Variants in LMNA observed in about 807,000 individuals in gnomAD.
LMNA encodes the protein lamin.
Under a neutral mutation model 70.4 loss-of-function variants are expected in LMNA, and 20 were observed. That is an observed-to-expected ratio of 0.28 (90% CI 0.20 to 0.41). The LOEUF is 0.41. Ranked by LOEUF, LMNA falls within the 10% of genes least tolerant of loss-of-function variation. The probability of loss-of-function intolerance (pLI) is 1.00; values close to 1 mark genes in which losing one functional copy is unlikely to be tolerated. For missense variants in LMNA, 652 were observed against 917.2 expected (o/e 0.71, Z 3.73); for synonymous variants, 339 against 372.8 (o/e 0.91, Z 1.04).
chr1:156,137,357 C>A lies in LMNA; in HGVS notation c.1608+125C>A. 1.6e-6 allele frequency: 2 copies of A among 1,239,566 alleles called. No homozygotes were observed. The highest frequency in any genetic ancestry group is 1.3e-5 in the South Asian group (1 of 76,558). The allele number at this position is 1,239,566 out of a possible 1,614,324, so 76.8% of individuals were successfully genotyped here. On this transcript the variant is annotated intron_variant, in intron 9 of 11. Coordinates refer to ENST00000368300, the MANE Select transcript of LMNA (RefSeq NM_170707.4). The surrounding 1 kb of genome is among the most constrained non-coding windows in gnomAD (Gnocchi z 4.6). ...CCTTTCTAGAGCTCTCTGTTGCAGG[C>A]TCCAGACTTCTCCACCCAGTAGGCA...
At position 156,138,416 on chromosome 1, in the gene LMNA, C is replaced by T. The variant is rs1010792518; in HGVS notation, c.1699-72C>T. ...CTGGCGGCTGGGAGCCTGCAGGAGC[C>T]TGGAGCCTGGTTGGGCCTGAGTGGT... On this transcript the variant is annotated intron_variant, in intron 10 of 11. Transcript: ENST00000368300. The surrounding 1 kb of genome is among the most constrained non-coding windows in gnomAD (Gnocchi z 5.5). 50 of 1,538,540 alleles carry T rather than the reference C, an allele frequency of 3.2e-5. No homozygotes were observed. The Admixed American group carries it at 9.1e-4, about 28-fold the overall frequency.
In LMNA at chr1:156,137,917, A is replaced by T; in HGVS notation, c.1698+174A>T. The T allele has an allele frequency of 7.2e-7, 1 of 1,385,214 alleles. No homozygotes were observed. The highest frequency in any genetic ancestry group is 1.4e-5 in the South Asian group (1 of 70,976). 85.8% of individuals were successfully genotyped at this position (1,385,214 alleles called of 1,614,324 possible). On this transcript the variant is annotated intron_variant, in intron 10 of 11. Coordinates refer to ENST00000368300, the MANE Select transcript of LMNA (RefSeq NM_170707.4). The surrounding 1 kb of genome is among the most constrained non-coding windows in gnomAD (Gnocchi z 4.6). ...CTCCTCCCTATACCTTGAACAGGGA[A>T]CCCAGGTGTCTGGGTGCCCTACTCT...
chr1:156,115,029 G>C lies in LMNA; in HGVS notation c.111G>C (p.Glu37Asp). The change falls in exon 1 of 12, where the codon GAG becomes GAC. Residue 37 changes from glutamate (E) to aspartate (D), a missense_variant. Around this residue, in one of 4 missense-constraint regions of LMNA, gnomAD observed 254 missense variants for 421.9 expected, o/e 0.60. Coordinates refer to ENST00000368300, the MANE Select transcript of LMNA (RefSeq NM_170707.4). The surrounding 1 kb of genome is among the most constrained non-coding windows in gnomAD (Gnocchi z 5.8). ...TRLQEKEDLQELNDRLAVYID... is the reference protein window; with the variant it reads ...TRLQEKEDLQDLNDRLAVYID... Reference sequence around the variant, plus strand: ...TGCAGGAGAAGGAGGACCTGCAGGAGCTCAATGATCGCTTGGCGGTCTACA... The same window carrying C: ...TGCAGGAGAAGGAGGACCTGCAGGACCTCAATGATCGCTTGGCGGTCTACA... The C allele has an allele frequency of 1.3e-6, 2 of 1,599,922 alleles. No individual in the cohort carries two copies. Among genetic ancestry groups the C allele is most frequent in the Non-Finnish European group, 8.5e-7 (1 of 1,173,472 alleles).
rs1649756692 is a variant in LMNA, at chr1:156,115,378, A to C, written c.356+104A>C. 1 of 1,055,250 alleles carries C rather than the reference A, an allele frequency of 9.5e-7. No individual in the cohort carries two copies. Among genetic ancestry groups the C allele is most frequent in the African/African-American group, 1.6e-5 (1 of 63,682 alleles). The allele number at this position is 1,055,250 out of a possible 1,614,324, so 65.4% of individuals were successfully genotyped here. On this transcript the variant is annotated intron_variant, in intron 1 of 11. Coordinates refer to ENST00000368300, the MANE Select transcript of LMNA (RefSeq NM_170707.4). The surrounding 1 kb of genome is among the most constrained non-coding windows in gnomAD (Gnocchi z 5.8). The stretch of plus-strand genomic sequence containing the variant: ...AGGGAGTGAGAGGGCCTGGAGGCCG[A>C]TAACTTTGCCATAGTCTCCTCCCTC...
At chr1:156,090,707 A>G (rs1189543441) in intron 3 of LMNA, 1 of 152,424 alleles carries the variant, frequency 6.6e-6, no homozygotes, top group African/African-American at 2.4e-5. Flanking sequence ...TGGTTCCTGG[A>G]TGAAGTAGAT....
chr1:156,137,632 C>T lies in LMNA; in HGVS notation c.1609-22C>T. On this transcript the variant is annotated intron_variant, in intron 9 of 11. Transcript: ENST00000368300. The surrounding 1 kb of genome is among the most constrained non-coding windows in gnomAD (Gnocchi z 4.6). ...CCCTTCCCTGGCCCTGACCCTTGGA[C>T]CTGGTTCCATGTCCCCACCAGGAAG... is the stretch of plus-strand genomic sequence containing the variant. 6.5e-7 allele frequency: 1 copy of T among 1,550,096 alleles called. No individual in the cohort carries two copies.
Position 156,136,306 on chromosome 1 carries a change from A to G in LMNA, c.1250A>G (p.Lys417Arg). The change falls in exon 7 of 12, where the codon AAA becomes AGA. Residue 417 changes from lysine to arginine, a missense_variant. Around this residue, in one of 4 missense-constraint regions of LMNA, gnomAD observed 327 missense variants for 387.6 expected, o/e 0.84. Transcript: ENST00000368300. The surrounding 1 kb of genome is among the most constrained non-coding windows in gnomAD (Gnocchi z 6.1). The stretch of plus-strand genomic sequence containing the variant: ...ACACAGGGTGGGGGCAGCGTCACCA[A>G]AAAGCGCAAACTGGAGTCCACTGAG... ...SQTQGGGSVT[K>R]KRKLESTESR... 6.2e-7 allele frequency: 1 copy of G among 1,612,244 alleles called. No homozygotes were observed.
intron 2 of LMNA, among the ~76,000 whole-genome samples, chr1:156,085,775 G>A (rs988630125): frequency 6.6e-6 from 1 of 152,190 alleles, no homozygotes; most frequent in Non-Finnish European, 1.5e-5. Flanking sequence ...CCAAGGTCTG[G>A]CAGGGCATGG....
At chr1:156,084,341 G>GGGGGGGGGGGGT (rs1648401818) in intron 2 of LMNA, among the ~76,000 whole-genome samples, 1 of 127,238 alleles carries the variant, frequency 7.9e-6, no homozygotes, top group Non-Finnish European at 1.7e-5. Flanking sequence ...GGGGTGGTGG[G>GGGGGGGGGGGGT]GGCAGTTGGC....
At chr1:156,107,454 C>T (rs934704952) in intron 3 of LMNA, among the ~76,000 whole-genome samples, 2 of 152,222 alleles carry the variant, frequency 1.3e-5, no homozygotes, top group Admixed American at 6.5e-5. Flanking sequence ...CTCCTCTGGC[C>T]TCAGAATTCC....
At chr1:156,109,820 A>ATGTGTGTGTGTGTGTG (rs71080747), upstream of LMNA, 42 of 123,702 alleles carry the variant, frequency 3.4e-4, no homozygotes, top group African/African-American at 1.5e-3. Context: ...GTGTGTGTGC[A>ATGTGTGTGTGTGTGTG]TATATATATA....
intron 3 of LMNA, among the ~76,000 whole-genome samples, chr1:156,099,868 A>C (rs1446394238): frequency 4.8e-5 from 2 of 41,604 alleles, no homozygotes; most frequent in Non-Finnish European, 8.3e-5. Context: ...CCTGGGTGAC[A>C]AAAAAAAAAA....
intron 2 of LMNA, 122 bp downstream of exon 2, chr1:156,130,895 A>G: frequency 1.0e-6 from 1 of 975,638 alleles, no homozygotes; most frequent in South Asian, 1.5e-5. Flanking sequence ...AGAGCCATTC[A>G]CCTGTCCTAG....
chr1:156,102,646 G>A (rs571758942), intron 3 of LMNA, among the ~76,000 whole-genome samples: 12 of 152,202 alleles, frequency 7.9e-5, no homozygotes, highest in African/African-American at 1.7e-4. Context: ...CCTCCTGGGC[G>A]CCTCTGGCCT....
At chr1:156,122,111 AT>A (rs1282670726) in intron 1 of LMNA, among the ~76,000 whole-genome samples, 2 of 152,158 alleles carry the variant, frequency 1.3e-5, no homozygotes, top group South Asian at 2.1e-4. Context: ...TCTCAAAAAA[AT>A]AATACTAATA....
intron 1 of LMNA, chr1:156,129,900 G>A (rs771469778): frequency 2.6e-6 from 2 of 766,704 alleles, no homozygotes; most frequent in African/African-American, 1.7e-5. Context: ...CTGAGGCTAT[G>A]GTAGATGGGT....
At chr1:156,114,070 C>A (rs1286103823), upstream of LMNA, among the ~76,000 whole-genome samples, 8 of 152,062 alleles carry the variant, frequency 5.3e-5, no homozygotes. Context: ...AAAAAGGGAC[C>A]CCCCAAACTC....
chr1:156,120,743 G>C (rs1366563084), intron 1 of LMNA, among the ~76,000 whole-genome samples: 1 of 152,154 alleles, frequency 6.6e-6, no homozygotes, highest in Non-Finnish European at 1.5e-5. Context: ...AAACTCTGCT[G>C]TCCTGCAGGG....
intron 3 of LMNA, among the ~76,000 whole-genome samples, chr1:156,094,605 T>C (rs1001900379): frequency 2.0e-5 from 3 of 152,160 alleles, no homozygotes; most frequent in African/African-American, 7.2e-5. Flanking sequence ...CACCTTGGCC[T>C]CCCAAAGTGC....
Sources: allele counts gnomAD v4.1 joint callset (sites outside exome capture counted in the v4.1 genomes callset), GRCh38; gene constraint gnomAD v4.1.1; regional missense constraint gnomAD v4.1.1; non-coding constraint Gnocchi (gnomAD v3.1); transcripts MANE v1.5; gene names NCBI Gene and HGNC (gene_info 2026-07-23, HGNC 2026-07-21).